Variants in CSMD2 observed in about 807,000 individuals in gnomAD.
The protein encoded by CSMD2 is CUB and sushi domain-containing protein 2.
CSMD2 carries 130 observed loss-of-function variants against 398.5 expected under a neutral mutation model. The ratio of observed to expected loss-of-function variants is 0.33; its 90% CI spans 0.28 to 0.38. The LOEUF (loss-of-function observed/expected upper bound fraction) is 0.38, where lower values mean the gene tolerates loss of function less well. Ranked by LOEUF, CSMD2 falls within the 10% of genes least tolerant of loss-of-function variation. CSMD2 has a pLI of 1.00. For missense variants in CSMD2, 3,829 were observed against 4,764.9 expected (o/e 0.80, Z 5.78); for synonymous variants, 1,828 against 1,908.5 (o/e 0.96, Z 1.10).
chr1:34,082,633 A>C (rs1657380432), intron 2 of CSMD2, among the ~76,000 whole-genome samples: 1 of 152,248 alleles, frequency 6.6e-6, no homozygotes, highest in East Asian at 1.9e-4. Flanking sequence ...CAAATAGAAA[A>C]GGGGGAAATG....
In CSMD2 at chr1:33,724,209, A is replaced by G. The variant is rs753734002; in HGVS notation, c.2989T>C (p.Ser997Pro). 33 of 1,611,172 alleles carry G rather than the reference A, an allele frequency of 2.0e-5. No homozygotes were observed. In the East Asian group the frequency reaches 2.7e-4, roughly 13 times the overall value. Reference sequence around the variant, plus strand: ...CTGAAACACTCACCCTTGCCATGAGATGTTTCGATAATCCAGGTGCAGTTC... The same window carrying G: ...CTGAAACACTCACCCTTGCCATGAGGTGTTTCGATAATCCAGGTGCAGTTC... ...NLNCTWIIET[S>P]HGKGVFFTFH... Residue 997 changes from serine (S) to proline (P), a missense_variant, in exon 19 of 71, where the codon TCT (serine) becomes CCT (proline). Physicochemically the swap from Ser to Pro is moderately conservative, Grantham distance 74. Transcript: ENST00000373381.
intron 25 of CSMD2, among the ~76,000 whole-genome samples, chr1:33,682,901 C>T (rs900753669): frequency 1.3e-5 from 2 of 152,190 alleles, no homozygotes; most frequent in Non-Finnish European, 1.5e-5. Flanking sequence ...TCAACGACTC[C>T]TTTCACTTCA....
At chr1:33,761,097 C>T (rs1000113573) in intron 13 of CSMD2, among the ~76,000 whole-genome samples, 7 of 152,178 alleles carry the variant, frequency 4.6e-5, no homozygotes, top group African/African-American at 1.7e-4. Context: ...GGGCAGATAA[C>T]CTTAGAAAGG....
chr1:33,528,140 G>A (rs1299257941), intron 64 of CSMD2, among the ~76,000 whole-genome samples: 1 of 152,150 alleles, frequency 6.6e-6, no homozygotes, highest in Non-Finnish European at 1.5e-5. Flanking sequence ...AAAAGCTTTG[G>A]GCCTGGGCCA....
rs1659185456 is a variant in CSMD2 at position 33,567,718 on chromosome 1, C to G, written c.8255G>C (p.Gly2752Ala). 6.2e-7 allele frequency: 1 copy of G among 1,614,128 alleles called. No homozygotes were observed. Among genetic ancestry groups the G allele is most frequent in the African/African-American group, 1.3e-5 (1 of 75,046 alleles). ...ACTGCCCCGGTAGCTGTAGTTCTCC[C>G]CATTGATGTGTCCGTTGACAATGGG... Reference protein sequence around the residue: ...PEPIVNGHINGENYSYRGSVV... With the variant: ...PEPIVNGHINAENYSYRGSVV... The change falls in exon 53 of 71, where the codon GGG (glycine) becomes GCG (alanine). Residue 2752 changes from glycine to alanine, a missense_variant. Transcript: ENST00000373381.
At chr1:33,558,861 A>C (rs1056737590) in intron 54 of CSMD2, among the ~76,000 whole-genome samples, 1 of 151,868 alleles carries the variant, frequency 6.6e-6, no homozygotes, top group African/African-American at 2.4e-5. Flanking sequence ...ATCTCTTAAG[A>C]GTGGTTCCAA....
chr1:33,590,595 TCACACACACA>T (rs10611040), intron 44 of CSMD2, among the ~76,000 whole-genome samples: 26,499 of 137,680 alleles, frequency 0.19, 3,204 homozygotes, highest in Non-Finnish European at 0.26. Flanking sequence ...CTATTTCCCA[TCACACACACA>T]CACACACACA....
intron 3 of CSMD2, among the ~76,000 whole-genome samples, chr1:34,013,392 T>C (rs1329270625): frequency 6.6e-6 from 1 of 152,166 alleles, no homozygotes; most frequent in Non-Finnish European, 1.5e-5. Context: ...ACAGTCCTTC[T>C]TGCTTCTCTC....
chr1:33,812,651 T>C (rs1002238134), intron 9 of CSMD2, among the ~76,000 whole-genome samples: 7 of 54,066 alleles, frequency 1.3e-4, no homozygotes, highest in African/African-American at 6.4e-4. Context: ...CTGGATGAGT[T>C]AGAAAATCTG....
At chr1:34,101,368 G>C (rs1277032140) in intron 1 of CSMD2, among the ~76,000 whole-genome samples, 2 of 152,174 alleles carry the variant, frequency 1.3e-5, no homozygotes, top group Non-Finnish European at 2.9e-5. Flanking sequence ...TGGATGATTT[G>C]GATGATTTCC....
In CSMD2 at chr1:33,781,609, T is replaced by C. The variant is rs147239965; in HGVS notation, c.1663+6991A>G. On this transcript the variant is annotated intron_variant, in intron 12 of 70. Coordinates refer to ENST00000373381, the MANE Select transcript of CSMD2 (RefSeq NM_001281956.2). ...CTGTAGGGTCCAGGTCCCAGCTTCT[T>C]CCTCCCCTGGGCCAGCCTCCCAGAC... 6.6e-5 allele frequency among the ~76,000 whole-genome samples: 10 copies of C among 152,222 alleles called. No individual in the cohort carries two copies. In the East Asian group the frequency reaches 1.9e-3, roughly 29 times the overall value.
intron 39 of CSMD2, among the ~76,000 whole-genome samples, 176 bp from the exon 40 acceptor site, chr1:33,614,796 T>C (rs1641280573): frequency 2.0e-5 from 3 of 152,182 alleles, no homozygotes; most frequent in Non-Finnish European, 4.4e-5. Context: ...ACATTCAATA[T>C]GTACATTCAG....
At chr1:34,043,024 C>A (rs1164398841) in intron 2 of CSMD2, among the ~76,000 whole-genome samples, 1 of 152,024 alleles carries the variant, frequency 6.6e-6, no homozygotes, top group Non-Finnish European at 1.5e-5. Context: ...CTTCTGAACT[C>A]GTGATCTGCC....
chr1:33,678,947 G>A (rs1409974179), intron 25 of CSMD2, among the ~76,000 whole-genome samples: 1 of 152,226 alleles, frequency 6.6e-6, no homozygotes, highest in East Asian at 1.9e-4. Context: ...AGTGACTGCT[G>A]TCTTGGACTT....
At position 33,625,143 on chromosome 1, in the gene CSMD2, G is replaced by C. The variant is rs1399485197; in HGVS notation, c.5408C>G (p.Ser1803Cys). The C allele has an allele frequency of 1.2e-6, 2 of 1,614,130 alleles. No homozygotes were observed. The highest frequency in any genetic ancestry group is 3.3e-5 in the Admixed American group (2 of 60,022). ...TGGCGACCCCTGCAGGGCATAGCCG[G>C]AGTTGCATTCGAAGCGGACGATGGC... The part of the protein sequence containing the change: ...VGAIVRFECN[S>C]GYALQGSPEI... The change falls in exon 34 of 71, where the codon TCC (serine) becomes TGC (cysteine). Residue 1803 changes from serine (S) to cysteine (C), a missense_variant. Physicochemically the swap from Ser to Cys is moderately radical, Grantham distance 112 (BLOSUM62 -1). This residue lies in a region of CSMD2 where 2,001 missense variants were observed against 2,567.1 expected (regional missense o/e 0.78). Transcript: ENST00000373381.
intron 53 of CSMD2, among the ~76,000 whole-genome samples, chr1:33,560,371 A>T (rs1176821655): frequency 6.6e-6 from 1 of 152,186 alleles, no homozygotes; most frequent in African/African-American, 2.4e-5. Context: ...GGGAAGAGAA[A>T]AGGGATGTGG....
At chr1:34,122,904 A>G (rs1162931798) in intron 1 of CSMD2, among the ~76,000 whole-genome samples, 1 of 152,192 alleles carries the variant, frequency 6.6e-6, no homozygotes, top group Non-Finnish European at 1.5e-5. Context: ...ACCCTGTCAT[A>G]TATGTCCTGG....
intron 2 of CSMD2, among the ~76,000 whole-genome samples, chr1:34,071,961 T>C (rs7414657): frequency 0.011 from 1,751 of 152,300 alleles, 32 homozygotes; most frequent in African/African-American, 0.039. Context: ...AATCCTCATA[T>C]TGTAAGTCAG....
At chr1:33,691,078 G>A (rs532515574) in intron 25 of CSMD2, among the ~76,000 whole-genome samples, 54 of 152,266 alleles carry the variant, frequency 3.5e-4, no homozygotes, top group Admixed American at 7.8e-4. Flanking sequence ...GGAGGAGGGC[G>A]TTCCAGAGGA....
Sources: gnomAD v4.1 joint callset for allele counts (sites outside exome capture counted in the v4.1 genomes callset) on GRCh38, gnomAD v4.1.1 for gene constraint, gnomAD v4.1.1 regional missense constraint, MANE v1.5 for transcripts, NCBI Gene and HGNC (gene_info 2026-07-23, HGNC 2026-07-21) for gene names.